Variants in PACS2 observed in about 807,000 individuals in gnomAD.
PACS2 encodes the protein PACS1-like protein.
Under a neutral mutation model 113.0 loss-of-function variants are expected in PACS2, and 36 were observed. The ratio of observed to expected loss-of-function variants is 0.32; its 90% CI spans 0.24 to 0.42. The LOEUF (loss-of-function observed/expected upper bound fraction) is 0.42. Among genes scored for constraint, PACS2 ranks in the 10% least tolerant of loss-of-function variants. PACS2 has a pLI of 1.00. For synonymous variants in PACS2, 589 were observed against 536.1 expected (o/e 1.10, Z -1.36); for missense variants, 1,015 against 1,239.5 (o/e 0.82, Z 2.72).
At chr14:105,334,989 G>T (rs1414215226) in intron 1 of PACS2, among the ~76,000 whole-genome samples, 1 of 152,358 alleles carries the variant, frequency 6.6e-6, no homozygotes, top group East Asian at 1.9e-4. Flanking sequence ...CTGTGCCTGG[G>T]ACTGTTGGGC....
chr14:105,385,542 A>G, intron 18 of PACS2, 143 bp from the exon 19 acceptor site: 1 of 547,284 alleles, frequency 1.8e-6, no homozygotes, highest in African/African-American at 1.9e-5. Context: ...AGCCGAGTGC[A>G]AGGCGCAAAG....
chr14:105,367,952 C>T (rs76955182), intron 5 of PACS2, 122 bp from the exon 6 acceptor site: 6 of 721,438 alleles, frequency 8.3e-6, no homozygotes, highest in African/African-American at 1.7e-5. Context: ...GCCCCTCTGT[C>T]CTGCATGGAT....
Position 105,300,814 on chromosome 14 carries a change from G to C in PACS2, c.-248G>C, listed in dbSNP as rs1056579075. On this transcript the variant is annotated 5_prime_UTR_variant, in exon 1 of 24. Transcript: ENST00000430725. ...GCGCCCGGGCCGCGCCGCCCGCAAC[G>C]GCCGCGCCCGCGGGATGGGACAGGC... 4.8e-5 allele frequency: 11 copies of C among 231,474 alleles called. No individual in the cohort carries two copies. In the South Asian group the frequency reaches 9.9e-4, roughly 21 times the overall value. 14.3% of individuals were successfully genotyped at this position (231,474 alleles called of 1,614,324 possible). A position where few individuals can be genotyped will look rare whatever the true frequency, so the allele number is the denominator to read the frequency against.
intron 3 of PACS2, among the ~76,000 whole-genome samples, chr14:105,352,867 C>T (rs1487503859): frequency 6.1e-4 from 67 of 110,064 alleles, no homozygotes; most frequent in African/African-American, 2.2e-3. Flanking sequence ...CCTGGGGAGA[C>T]GGGCACGCCT....
chr14:105,336,845 C>G (rs587775935), intron 1 of PACS2, among the ~76,000 whole-genome samples: 1 of 152,314 alleles, frequency 6.6e-6, no homozygotes, highest in South Asian at 2.1e-4. Flanking sequence ...GACAGAGTTA[C>G]CGTCAGAGTT....
chr14:105,302,206 T>TG (rs1367557323), intron 1 of PACS2, among the ~76,000 whole-genome samples: 1 of 146,244 alleles, frequency 6.8e-6, no homozygotes, highest in East Asian at 2.0e-4. Flanking sequence ...TTTTCTTTCT[T>TG]TTTTTTTTTT....
intron 19 of PACS2, among the ~76,000 whole-genome samples, chr14:105,387,804 C>T (rs1555413950): frequency 6.6e-6 from 1 of 152,210 alleles, no homozygotes; most frequent in Non-Finnish European, 1.5e-5. Context: ...TCTGGCTCGG[C>T]AGAGGGCAGG....
intron 1 of PACS2, among the ~76,000 whole-genome samples, chr14:105,306,905 C>A (rs1406517049): frequency 6.6e-6 from 1 of 151,420 alleles, no homozygotes; most frequent in African/African-American, 2.4e-5. Flanking sequence ...CGTGCCAAGC[C>A]CCATCGTGTT....
intron 24 of PACS2, among the ~76,000 whole-genome samples, chr14:105,393,833 T>G (rs1008569593): frequency 3.3e-5 from 5 of 151,876 alleles, no homozygotes; most frequent in African/African-American, 1.2e-4. Flanking sequence ...TCAGGTGATC[T>G]GCCTGCCTCG....
At chr14:105,394,099 C>A in intron 24 of PACS2, 1 of 494,578 alleles carries the variant, frequency 2.0e-6, no homozygotes, top group Non-Finnish European at 2.6e-6. Flanking sequence ...GTTTCAGAAA[C>A]GGAGCTCTGG....
chr14:105,385,375 G>A (rs1394956530), intron 18 of PACS2, among the ~76,000 whole-genome samples: 2 of 152,230 alleles, frequency 1.3e-5, no homozygotes, highest in African/African-American at 2.4e-5. Context: ...GGCCCTGTGG[G>A]TGAGTGATCA....
rs587662431 is a variant in PACS2 at position 105,391,889 on chromosome 14, C to T, written c.2255+123C>T. ...GCACCTGGCCTGTCAGCCACGAAGG[C>T]GGAGGGGCTCTGCAGGACGGCTGGG... On this transcript the variant is annotated intron_variant, in intron 22 of 24. Coordinates refer to ENST00000447393, the MANE Select transcript of PACS2 (RefSeq NM_001100913.3). 3.0e-4 allele frequency: 312 copies of T among 1,028,434 alleles called. 2 individuals carry two copies. The highest frequency in any genetic ancestry group is 1.5e-3 in the South Asian group (93 of 60,068). 63.7% of individuals were successfully genotyped at this position (1,028,434 alleles called of 1,614,324 possible). A position where few individuals can be genotyped will look rare whatever the true frequency, so the allele number is the denominator to read the frequency against.
chr14:105,336,166 ACAGT>A (rs1476668108), intron 1 of PACS2, among the ~76,000 whole-genome samples: 16 of 152,206 alleles, frequency 1.1e-4, no homozygotes, highest in African/African-American at 3.6e-4. Context: ...CCAACAAAAC[ACAGT>A]CAGCAGGTTT....
upstream of PACS2, among the ~76,000 whole-genome samples, chr14:105,313,637 C>T (rs113722440): frequency 1.2e-4 from 19 of 152,350 alleles, no homozygotes; most frequent in African/African-American, 4.3e-4. Context: ...GTGGCAAGCC[C>T]CGTGGGCCAG....
intron 16 of PACS2, 169 bp from the exon 17 acceptor site, chr14:105,384,184 C>T: frequency 1.7e-6 from 1 of 587,110 alleles, no homozygotes; most frequent in Non-Finnish European, 3.0e-6. Flanking sequence ...CCACAGGCAT[C>T]CACCAGGGAG....
At position 105,394,636 on chromosome 14, in the gene PACS2, C is replaced by G. The variant is rs781829960; in HGVS notation, c.2679C>G (p.Pro893=). The G allele has an allele frequency of 1.7e-5, 28 of 1,613,310 alleles. No homozygotes were observed. The highest frequency in any genetic ancestry group is 2.1e-5 in the Non-Finnish European group (25 of 1,179,884). The part of the protein sequence containing the change: ...AQWSSHVKHF[P]ICIFGHSKAT... The stretch of plus-strand genomic sequence containing the variant: ...GGTCCTCGCACGTGAAGCACTTCCC[C>G]ATCTGCATCTTCGGACACTCCAAGG... The change falls in exon 25 of 25, where the codon CCC becomes CCG. Residue 893 remains proline, a synonymous_variant. Transcript: ENST00000447393.
intron 24 of PACS2, chr14:105,394,132 C>T (rs587701891): frequency 2.7e-5 from 24 of 902,620 alleles, no homozygotes; most frequent in South Asian, 2.0e-4. Context: ...TTTTTGAGCA[C>T]GGGTCAGATG....
intron 5 of PACS2, 78 bp from the exon 6 acceptor site, chr14:105,367,996 G>A (rs1333015704): frequency 1.1e-6 from 1 of 899,162 alleles, no homozygotes; most frequent in East Asian, 2.4e-5. Flanking sequence ...TGTGTCCAGG[G>A]AAGCCTGGGG....
At chr14:105,351,452 A>AT (rs752786532) in intron 2 of PACS2, among the ~76,000 whole-genome samples, 4 of 152,044 alleles carry the variant, frequency 2.6e-5, no homozygotes, top group Non-Finnish European at 5.9e-5. Flanking sequence ...TACTACCCTC[A>AT]TTTTTGTGAC....
Sources: allele counts gnomAD v4.1 joint callset (sites outside exome capture counted in the v4.1 genomes callset), GRCh38; gene constraint gnomAD v4.1.1; transcripts MANE v1.5; gene names NCBI Gene and HGNC (gene_info 2026-07-23, HGNC 2026-07-21).